FANCI: variants seen among roughly 807,000 people sequenced by gnomAD.
The protein encoded by FANCI is FA complementation group I, also known as Fanconi anemia group I protein.
FANCI carries 156 observed loss-of-function variants against 176.1 expected under a neutral mutation model. The ratio of observed to expected loss-of-function variants is 0.89; its 90% CI spans 0.78 to 1.01. The LOEUF (loss-of-function observed/expected upper bound fraction) is 1.01, where lower values mean the gene tolerates loss of function less well. FANCI is among the 50% of genes least tolerant of loss of function. The probability of loss-of-function intolerance (pLI) is 0.00; values close to 1 mark genes in which losing one functional copy is unlikely to be tolerated. For synonymous variants in FANCI, 613 were observed against 541.7 expected (o/e 1.13, Z -1.83); for missense variants, 1,678 against 1,534.1 (o/e 1.09, Z -1.57).
intron 18 of FANCI, among the ~76,000 whole-genome samples, chr15:89,289,912 G>T (rs1463100197): frequency 6.6e-6 from 1 of 151,860 alleles, no homozygotes; most frequent in African/African-American, 2.4e-5. Context: ...GGCTGGTCTC[G>T]AGCTCTTGGC....
intron 34 of FANCI, 67 bp from the exon 35 acceptor site, chr15:89,312,837 T>G: frequency 2.5e-6 from 3 of 1,204,214 alleles, no homozygotes; most frequent in Admixed American, 2.2e-5. Context: ...AAAAAAAAAT[T>G]AGCACTAGCA....
chr15:89,261,923 CG>C (rs776717926), intron 6 of FANCI, 45 bp downstream of exon 6: 4 of 1,584,068 alleles, frequency 2.5e-6, no homozygotes, highest in Non-Finnish European at 3.5e-6. Flanking sequence ...ATACAAGTGG[CG>C]GAAAAAAAAC....
At chr15:89,267,452 T>C (rs1048958200) in intron 9 of FANCI, among the ~76,000 whole-genome samples, 6 of 152,078 alleles carry the variant, frequency 3.9e-5, no homozygotes, top group African/African-American at 1.4e-4. Flanking sequence ...AAGATGGGAC[T>C]TTATTGTTTT....
chr15:89,293,969 G>T lies in FANCI; in HGVS notation c.2428G>T (p.Val810Leu), dbSNP rs779973664. The T allele has an allele frequency of 9.3e-6, 15 of 1,614,062 alleles. No homozygotes were observed. In the South Asian group the frequency reaches 1.2e-4, roughly 13 times the overall value. Residue 810 changes from valine (V) to leucine (L), a missense_variant, in exon 23 of 38, where the codon GTG becomes TTG. Physicochemically the swap from Val to Leu is conservative, Grantham distance 32. Transcript: ENST00000310775. The stretch of plus-strand genomic sequence containing the variant: ...TGATAGTCTTTTGTCCATGAAATTT[G>T]TGTCCAGTCTTCTCACTGCTCTTTT... The part of the protein sequence containing the change: ...TSDSLLSMKF[V>L]SSLLTALFRD...
intron 18 of FANCI, among the ~76,000 whole-genome samples, chr15:89,289,318 G>C (rs111644467): frequency 6.6e-6 from 1 of 151,124 alleles, no homozygotes; most frequent in African/African-American, 2.4e-5. Flanking sequence ...TTTCCTTTCC[G>C]ATGGAGTCTC....
In FANCI at chr15:89,293,005, C is replaced by T; in HGVS notation, c.2233C>T (p.Leu745Phe). The change falls in exon 22 of 38, where the codon CTT (leucine) becomes TTT (phenylalanine). Residue 745 changes from leucine to phenylalanine, a missense_variant. Physicochemically the swap from Leu to Phe is conservative, Grantham distance 22. Transcript: ENST00000310775. ...CATAAAAAATAATATCTGTGCTTTTCTTGTGATGGGAGTTTGTGAGGTTTT... is the reference window on the plus strand; with the variant it reads ...CATAAAAAATAATATCTGTGCTTTTTTTGTGATGGGAGTTTGTGAGGTTTT... ...IGIKNNICAF[L>F]VMGVCEVLIE... 1.2e-6 allele frequency: 2 copies of T among 1,613,982 alleles called. No individual in the cohort carries two copies. Among genetic ancestry groups the T allele is most frequent in the Non-Finnish European group, 8.5e-7 (1 of 1,179,914 alleles).
intron 28 of FANCI, 49 bp downstream of exon 28, chr15:89,303,964 C>A (rs767428983): frequency 1.3e-6 from 2 of 1,544,068 alleles, no homozygotes; most frequent in East Asian, 2.2e-5. Flanking sequence ...AAATCACTAT[C>A]CTCCAGTGGC....
rs763087620 is a variant in FANCI, at chr15:89,273,360, TGG to T, written c.883-16_883-15del. On this transcript the variant is annotated splice_polypyrimidine_tract_variant and intron_variant, in intron 10 of 37. Transcript: ENST00000310775. ...AAAATGTAAGTAAATGACTTCCTTT[TGG>T]TTGCTCTCTTCTAGGTAGGACAGCA... is the stretch of plus-strand genomic sequence containing the variant. 7.0e-6 allele frequency: 9 copies of T among 1,288,620 alleles called. No homozygotes were observed. In the Admixed American group the frequency reaches 1.6e-4, roughly 23 times the overall value. The allele number at this position is 1,288,620 out of a possible 1,614,324, so 79.8% of individuals were successfully genotyped here. A position where few individuals can be genotyped will look rare whatever the true frequency, so the allele number is the denominator to read the frequency against.
chr15:89,264,439 C>T, intron 8 of FANCI, 83 bp from the exon 9 acceptor site: 4 of 1,138,936 alleles, frequency 3.5e-6, no homozygotes, highest in Non-Finnish European at 5.3e-6. Context: ...CTGGAGAATT[C>T]TTTAAGCTGA....
rs2055297356 is a variant in FANCI, at chr15:89,317,121, CT to C, written c.*665del. The C allele has an allele frequency of 1.7e-6, 1 of 591,962 alleles. No homozygotes were observed. The allele number at this position is 591,962 out of a possible 1,614,324, so 36.7% of individuals were successfully genotyped here. A position where few individuals can be genotyped will look rare whatever the true frequency, so the allele number is the denominator to read the frequency against. Reference sequence around the variant, plus strand: ...GAATGCACTCTATAGAATAAATTATCTTTAAACATTTCTTCTGTGGTTGAAG... The same window carrying C: ...GAATGCACTCTATAGAATAAATTATCTTAAACATTTCTTCTGTGGTTGAAG... On this transcript the variant is annotated 3_prime_UTR_variant, in exon 38 of 38. Coordinates refer to ENST00000310775, the MANE Select transcript of FANCI (RefSeq NM_001113378.2).
At chr15:89,302,618 G>A (rs982410957) in intron 27 of FANCI, among the ~76,000 whole-genome samples, 23 of 150,574 alleles carry the variant, frequency 1.5e-4, no homozygotes, top group African/African-American at 5.4e-4. Context: ...CTGTCTCCCA[G>A]GCTGGAGTGT....
chr15:89,279,086 G>A (rs988100114), intron 14 of FANCI, among the ~76,000 whole-genome samples: 8 of 152,146 alleles, frequency 5.3e-5, no homozygotes, highest in Non-Finnish European at 1.0e-4. Context: ...AGTCCTTTTA[G>A]CCTTGACATT....
rs2151442108 is a variant in FANCI, at chr15:89,273,548, GT to G, written c.975+84del. 6.8e-6 allele frequency: 6 copies of G among 877,126 alleles called. No homozygotes were observed. In the South Asian group the frequency reaches 8.7e-5, roughly 13 times the overall value. 54.3% of individuals were successfully genotyped at this position (877,126 alleles called of 1,614,324 possible). A position where few individuals can be genotyped will look rare whatever the true frequency, so the allele number is the denominator to read the frequency against. On this transcript the variant is annotated intron_variant, in intron 11 of 37. Transcript: ENST00000310775. ...AAAAAAAAAAAAATCACAGTAATCT[GT>G]TTTTGTTGTATCCGTTCCTAAACAA... is the stretch of plus-strand genomic sequence containing the variant.
At chr15:89,308,362 T>C (rs2054810188) in intron 34 of FANCI, among the ~76,000 whole-genome samples, 1 of 152,022 alleles carries the variant, frequency 6.6e-6, no homozygotes, top group South Asian at 2.1e-4. Context: ...TCACCCCTCG[T>C]TGGAAAGAGG....
At chr15:89,315,255 T>C (rs1021580314) in intron 36 of FANCI, 27 bp from the exon 37 acceptor site, 2 of 1,532,086 alleles carry the variant, frequency 1.3e-6, no homozygotes, top group Admixed American at 1.7e-5. Context: ...AGTAGGGAGA[T>C]GTCCCATGCT....
chr15:89,313,648 A>AT (rs1254860167), intron 35 of FANCI, among the ~76,000 whole-genome samples: 1 of 152,170 alleles, frequency 6.6e-6, no homozygotes, highest in Admixed American at 6.5e-5. Flanking sequence ...TGACTACTGA[A>AT]TCCCATTCTG....
chr15:89,278,831 A>G, intron 14 of FANCI, 57 bp downstream of exon 14: 2 of 1,457,562 alleles, frequency 1.4e-6, no homozygotes, highest in Admixed American at 1.7e-5. Context: ...TTTCAATGTC[A>G]TAATCATTTG....
intron 11 of FANCI, 115 bp from the exon 12 acceptor site, chr15:89,274,053 A>T (rs1290538607): frequency 1.2e-6 from 1 of 806,208 alleles, no homozygotes; most frequent in East Asian, 2.7e-5. Context: ...TAAGGTTAAG[A>T]TTTATAGCAT....
chr15:89,260,692 C>A, intron 3 of FANCI, 21 bp from the exon 4 acceptor site: 1 of 1,610,824 alleles, frequency 6.2e-7, no homozygotes, highest in Non-Finnish European at 8.5e-7. Flanking sequence ...TGTTTCTGAA[C>A]CCCCTGTTTA....
Sources: allele counts gnomAD v4.1 joint callset (sites outside exome capture counted in the v4.1 genomes callset), GRCh38; gene constraint gnomAD v4.1.1; transcripts MANE v1.5; gene names NCBI Gene and HGNC (gene_info 2026-07-23, HGNC 2026-07-21).